TCEA3: variants seen among roughly 807,000 people sequenced by gnomAD.
TCEA3 encodes transcription elongation factor A3, also known as transcription elongation factor A protein 3.
Under a neutral mutation model 44.0 loss-of-function variants are expected in TCEA3, and 36 were observed. That is an observed-to-expected ratio of 0.82 (90% confidence interval 0.63 to 1.08). The LOEUF is 1.08. TCEA3 is among the 50% of genes least tolerant of loss of function. The probability of loss-of-function intolerance (pLI) is 0.00; values close to 1 mark genes in which losing one functional copy is unlikely to be tolerated. For synonymous variants in TCEA3, 162 were observed against 159.7 expected, an observed-to-expected ratio of 1.01 and a Z score of -0.11; for missense variants, 392 against 441.2, an observed-to-expected ratio of 0.89 and a Z score of 1.00.
At chr1:23,411,467 G>A (rs549410879) in intron 4 of TCEA3, 10 of 204,820 alleles carry the variant, frequency 4.9e-5, no homozygotes, top group African/African-American at 1.7e-4. Flanking sequence ...CAGAGGTCTC[G>A]AATTTATGCA....
At chr1:23,408,219 T>C (rs12039728) in intron 5 of TCEA3, among the ~76,000 whole-genome samples, 9,313 of 152,048 alleles carry the variant, frequency 0.061, 502 homozygotes, top group East Asian at 0.25. Flanking sequence ...GCCTCGGCCT[T>C]CCAAAGTGCT....
intron 10 of TCEA3, among the ~76,000 whole-genome samples, chr1:23,382,787 A>G (rs1160248923): frequency 6.6e-6 from 1 of 152,248 alleles, no homozygotes; most frequent in Non-Finnish European, 1.5e-5. Context: ...GAGTTAAGTC[A>G]CTTGGTAAGG....
At chr1:23,419,297 G>T in intron 1 of TCEA3, 158 bp from the exon 2 acceptor site, 1 of 451,012 alleles carries the variant, frequency 2.2e-6, no homozygotes, top group Non-Finnish European at 3.9e-6. Context: ...GAAACAATCT[G>T]TCCTAGGTGG....
chr1:23,384,931 G>A (rs1638789553), intron 9 of TCEA3, among the ~76,000 whole-genome samples: 2 of 152,150 alleles, frequency 1.3e-5, no homozygotes, highest in Admixed American at 6.6e-5. Context: ...AGTATTCCCT[G>A]ACTCACCCCT....
In TCEA3 at chr1:23,383,005, C is replaced by T. The variant is rs111996262; in HGVS notation, c.1038+1341G>A. Among the ~76,000 whole-genome samples, 1,251 of 152,300 alleles carry T rather than the reference C, an allele frequency of 8.2e-3. 15 individuals carry two copies. The highest frequency in any genetic ancestry group is 0.029 in the African/African-American group (1,185 of 41,558). The stretch of plus-strand genomic sequence containing the variant: ...GTAAGAAAAATAATTAGAGGCCGGG[C>T]GCGGCGGCTCACGCCTGTAATCCCA... On this transcript the variant is annotated intron_variant, in intron 10 of 10. Coordinates refer to ENST00000450454, the MANE Select transcript of TCEA3 (RefSeq NM_003196.3).
At chr1:23,386,178 TTC>T (rs1447078970) in intron 9 of TCEA3, among the ~76,000 whole-genome samples, 2 of 152,232 alleles carry the variant, frequency 1.3e-5, no homozygotes, top group African/African-American at 4.8e-5. Context: ...AGGCTTGCCC[TTC>T]TCTCTGCAGC....
At chr1:23,406,457 C>A (rs1639547635) in intron 5 of TCEA3, among the ~76,000 whole-genome samples, 1 of 152,130 alleles carries the variant, frequency 6.6e-6, no homozygotes, top group Admixed American at 6.5e-5. Flanking sequence ...TGCTGCTTGG[C>A]CACTTCCTGG....
intron 4 of TCEA3, 38 bp downstream of exon 4, chr1:23,417,211 A>G (rs754485540): frequency 6.2e-7 from 1 of 1,602,894 alleles, no homozygotes; most frequent in South Asian, 1.1e-5. Context: ...GGACGTGACA[A>G]GTGTCAGCTC....
intron 1 of TCEA3, among the ~76,000 whole-genome samples, chr1:23,422,126 A>T (rs1028442028): frequency 6.0e-4 from 91 of 152,192 alleles, no homozygotes; most frequent in African/African-American, 2.1e-3. Context: ...CTGTGTTATA[A>T]GATCTGAATG....
chr1:23,412,608 T>A (rs1161040057), intron 4 of TCEA3, among the ~76,000 whole-genome samples: 1 of 151,792 alleles, frequency 6.6e-6, no homozygotes, highest in Non-Finnish European at 1.5e-5. Context: ...CTCGGGAGGC[T>A]GAGGCAGAAG....
At chr1:23,390,991 T>C (rs1639007694) in intron 8 of TCEA3, among the ~76,000 whole-genome samples, 1 of 151,826 alleles carries the variant, frequency 6.6e-6, no homozygotes, top group Admixed American at 6.6e-5. Context: ...GGGAGTCAGG[T>C]AAACAAGGAA....
chr1:23,408,328 C>G (rs1410548413), intron 5 of TCEA3, among the ~76,000 whole-genome samples: 1 of 152,172 alleles, frequency 6.6e-6, no homozygotes, highest in Non-Finnish European at 1.5e-5. Context: ...GGTCCCCTGA[C>G]AGTGATGGGG....
intron 4 of TCEA3, among the ~76,000 whole-genome samples, chr1:23,416,024 G>A (rs1286597524): frequency 2.2e-5 from 2 of 89,488 alleles, no homozygotes; most frequent in African/African-American, 4.4e-5. Flanking sequence ...TTTTTTTTGT[G>A]AGACGGAGTT....
chr1:23,408,425 A>T (rs1639614354), intron 5 of TCEA3: 2 of 442,424 alleles, frequency 4.5e-6, no homozygotes, highest in Admixed American at 7.6e-5. Flanking sequence ...GAATGAATAA[A>T]TGAATGAATA....
intron 5 of TCEA3, chr1:23,404,253 G>A (rs894688102): frequency 1.4e-6 from 1 of 692,014 alleles, no homozygotes; most frequent in African/African-American, 1.7e-5. Context: ...TCCGTGGTCT[G>A]CTTCCTGGTA....
At chr1:23,397,679 G>C (rs1241942030) in intron 6 of TCEA3, 78 bp from the exon 7 acceptor site, 2 of 1,604,020 alleles carry the variant, frequency 1.2e-6, no homozygotes, top group African/African-American at 2.7e-5. Flanking sequence ...TGGGACTAGA[G>C]TGTTCCTGTA....
chr1:23,404,457 C>A (rs1558051456), intron 5 of TCEA3, among the ~76,000 whole-genome samples: 1 of 152,022 alleles, frequency 6.6e-6, no homozygotes, highest in South Asian at 2.1e-4. Context: ...GACATGCTTC[C>A]TATGTTCCCA....
intron 8 of TCEA3, among the ~76,000 whole-genome samples, chr1:23,391,049 G>A (rs76732090): frequency 8.6e-5 from 13 of 151,990 alleles, no homozygotes; most frequent in Admixed American, 2.6e-4. Flanking sequence ...GAGAGACACC[G>A]TCCACATGGG....
At chr1:23,387,101 C>G (rs1638865484) in intron 9 of TCEA3, among the ~76,000 whole-genome samples, 172 bp downstream of exon 9, 1 of 151,958 alleles carries the variant, frequency 6.6e-6, no homozygotes, top group Admixed American at 6.6e-5. Context: ...GATCCACTCG[C>G]CTTGGCCTCC....
Sources: gnomAD v4.1 joint callset for allele counts (sites outside exome capture counted in the v4.1 genomes callset) on GRCh38, gnomAD v4.1.1 for gene constraint, MANE v1.5 for transcripts, NCBI Gene and HGNC (gene_info 2026-07-23, HGNC 2026-07-21) for gene names.